Variants in SLIT2 observed in about 807,000 individuals in gnomAD.
The protein encoded by SLIT2 is slit guidance ligand 2.
In SLIT2, 41 loss-of-function variants were observed where a neutral mutation model predicts 185.7. The observed-to-expected ratio is 0.22, with a 90% CI of 0.17 to 0.29. The LOEUF is 0.29. Ranked by LOEUF, SLIT2 falls within the 10% of genes least tolerant of loss-of-function variation. SLIT2 has a pLI of 1.00. For missense variants in SLIT2, 1,571 were observed against 1,909.0 expected, an observed-to-expected ratio of 0.82 and a Z score of 3.30; for synonymous variants, 693 against 680.2, an observed-to-expected ratio of 1.02 and a Z score of -0.29.
At chr4:20,580,826 C>G (rs1427248763) in intron 29 of SLIT2, among the ~76,000 whole-genome samples, 3 of 152,142 alleles carry the variant, frequency 2.0e-5, no homozygotes, top group Admixed American at 1.3e-4. Flanking sequence ...ATGGAGCACT[C>G]CTTCTCCTTT....
intron 16 of SLIT2, among the ~76,000 whole-genome samples, chr4:20,531,101 T>A (rs1007965137): frequency 2.6e-5 from 4 of 152,172 alleles, no homozygotes; most frequent in African/African-American, 9.7e-5. Context: ...CGATTTACCA[T>A]GTGATCCAGC....
chr4:20,559,759 T>A (rs1724547493), intron 26 of SLIT2, among the ~76,000 whole-genome samples: 1 of 151,872 alleles, frequency 6.6e-6, no homozygotes, highest in South Asian at 2.1e-4. Flanking sequence ...CCGACTGGAG[T>A]CAGAATTTGA....
At chr4:20,360,150 A>G (rs1722627692) in intron 4 of SLIT2, among the ~76,000 whole-genome samples, 1 of 152,194 alleles carries the variant, frequency 6.6e-6, no homozygotes, top group African/African-American at 2.4e-5. Context: ...AAAATTTCCT[A>G]ACATTCTCTC....
At chr4:20,565,675 G>A (rs977655704) in intron 26 of SLIT2, among the ~76,000 whole-genome samples, 1 of 151,958 alleles carries the variant, frequency 6.6e-6, no homozygotes, top group African/African-American at 2.4e-5. Flanking sequence ...AAGACAAAAT[G>A]TAAGGGACAT....
chr4:20,441,359 A>G (rs1044287373), intron 4 of SLIT2, among the ~76,000 whole-genome samples: 9 of 152,054 alleles, frequency 5.9e-5, no homozygotes, highest in African/African-American at 2.2e-4. Flanking sequence ...CTCCTACTTA[A>G]ATTTGGTTCA....
At chr4:20,309,178 T>C (rs1233130164) in intron 4 of SLIT2, among the ~76,000 whole-genome samples, 1 of 152,168 alleles carries the variant, frequency 6.6e-6, no homozygotes, top group African/African-American at 2.4e-5. Flanking sequence ...AGTTATATTC[T>C]AGATATTCTT....
intron 26 of SLIT2, 116 bp downstream of exon 26, chr4:20,554,084 T>C: frequency 1.2e-6 from 1 of 860,896 alleles, no homozygotes; most frequent in Non-Finnish European, 1.8e-6. Flanking sequence ...AATGATTATT[T>C]TTTCAGCCCA....
intron 4 of SLIT2, among the ~76,000 whole-genome samples, chr4:20,426,900 A>G (rs1728602994): frequency 6.6e-6 from 1 of 152,154 alleles, no homozygotes; most frequent in African/African-American, 2.4e-5. Flanking sequence ...GAGGCAGGTA[A>G]ATTGCCCAGG....
chr4:20,618,931 C>T lies in SLIT2; in HGVS notation c.4512C>T (p.Phe1504=), dbSNP rs370110126. 33 of 1,613,922 alleles carry T rather than the reference C, an allele frequency of 2.0e-5. No individual in the cohort carries two copies. Among genetic ancestry groups the T allele is most frequent in the African/African-American group, 8.0e-5 (6 of 74,884 alleles). Residue 1504 remains phenylalanine, a synonymous_variant, in exon 37 of 37, where the codon TTC becomes TTT. Coordinates refer to ENST00000504154, the MANE Select transcript of SLIT2 (RefSeq NM_004787.4). ...PLRSKRRKYS[F]ECTDGSSFVD... ...GGAGCAAGCGGCGGAAATACTCTTT[C>T]GAATGCACTGACGGCTCCTCCTTTG... is the stretch of plus-strand genomic sequence containing the variant.
intron 3 of SLIT2, among the ~76,000 whole-genome samples, chr4:20,259,420 G>A (rs1368611147): frequency 2.6e-5 from 4 of 151,572 alleles, no homozygotes; most frequent in African/African-American, 9.7e-5. Flanking sequence ...ATAACTTTTA[G>A]TCACCACAGG....
At chr4:20,305,462 C>A (rs776743584) in intron 4 of SLIT2, among the ~76,000 whole-genome samples, 1 of 152,104 alleles carries the variant, frequency 6.6e-6, no homozygotes, top group East Asian at 1.9e-4. Flanking sequence ...TGTATGGGAA[C>A]CCCCTATTCA....
chr4:20,463,448 GATATATAT>G (rs56256520), intron 4 of SLIT2, among the ~76,000 whole-genome samples: 2,964 of 67,238 alleles, frequency 0.044, 101 homozygotes, highest in Admixed American at 0.082. Context: ...CTCAAACTGT[GATATATAT>G]ATATATATAT....
At chr4:20,337,173 G>A (rs1720576969) in intron 4 of SLIT2, among the ~76,000 whole-genome samples, 1 of 152,168 alleles carries the variant, frequency 6.6e-6, no homozygotes, top group Non-Finnish European at 1.5e-5. Flanking sequence ...CCCGAGACTA[G>A]GTAATTTATA....
At chr4:20,401,601 C>T (rs1442491891) in intron 4 of SLIT2, among the ~76,000 whole-genome samples, 4 of 151,774 alleles carry the variant, frequency 2.6e-5, no homozygotes, top group Non-Finnish European at 5.9e-5. Context: ...TGAGCAGTTC[C>T]AAGACCTAGA....
At chr4:20,397,650 G>A (rs1287223391) in intron 4 of SLIT2, among the ~76,000 whole-genome samples, 1 of 151,750 alleles carries the variant, frequency 6.6e-6, no homozygotes, top group African/African-American at 2.4e-5. Flanking sequence ...ACATAATATA[G>A]TTTTAAATAT....
At chr4:20,366,179 T>G (rs1723103002) in intron 4 of SLIT2, among the ~76,000 whole-genome samples, 1 of 152,076 alleles carries the variant, frequency 6.6e-6, no homozygotes, top group African/African-American at 2.4e-5. Context: ...TCCTCTCTAC[T>G]CCTCTTTGTC....
chr4:20,345,832 C>T (rs2109247597), intron 4 of SLIT2, among the ~76,000 whole-genome samples: 1 of 152,162 alleles, frequency 6.6e-6, no homozygotes, highest in African/African-American at 2.4e-5. Flanking sequence ...CCACGTCTGG[C>T]CTGAAATACT....
chr4:20,431,178 G>A (rs1472624811), intron 4 of SLIT2, among the ~76,000 whole-genome samples: 3 of 152,180 alleles, frequency 2.0e-5, no homozygotes, highest in South Asian at 2.1e-4. Context: ...CTTCAAGGTC[G>A]TTTCTAAAAC....
rs1204094206 is a variant in SLIT2, at chr4:20,490,929, G to A, written c.776-832G>A. ...TCTTCCTGGCACGTCACCACCACTAGGGCCCTTTCCTGGCAGGTTGGAAAG... is the reference window on the plus strand; with the variant it reads ...TCTTCCTGGCACGTCACCACCACTAAGGCCCTTTCCTGGCAGGTTGGAAAG... On this transcript the variant is annotated intron_variant, in intron 8 of 36. Coordinates refer to ENST00000504154, the MANE Select transcript of SLIT2 (RefSeq NM_004787.4). 3.9e-6 allele frequency: 3 copies of A among 764,204 alleles called. No individual in the cohort carries two copies. The East Asian group carries it at 8.1e-5, about 21-fold the overall frequency. The allele number at this position is 764,204 out of a possible 1,614,324, so 47.3% of individuals were successfully genotyped here.
Sources: gnomAD v4.1 joint callset for allele counts (sites outside exome capture counted in the v4.1 genomes callset) on GRCh38, gnomAD v4.1.1 for gene constraint, MANE v1.5 for transcripts, NCBI Gene and HGNC (gene_info 2026-07-23, HGNC 2026-07-21) for gene names.